The following LSAMP variants were observed in gnomAD, a reference collection of about 807,000 sequenced individuals.
The protein encoded by LSAMP is limbic system-associated membrane protein.
A neutral mutation model predicts 38.6 loss-of-function variants in LSAMP; 7 were observed. The observed-to-expected ratio is 0.18, with a 90% CI of 0.10 to 0.34. The LOEUF (loss-of-function observed/expected upper bound fraction) is 0.34, where lower values mean the gene tolerates loss of function less well. LSAMP is among the 10% of genes least tolerant of loss of function. LSAMP has a pLI of 1.00. For synonymous variants in LSAMP, 154 were observed against 166.8 expected (o/e 0.92, Z 0.59); for missense variants, 313 against 420.0 (o/e 0.75, Z 2.23).
At chr3:116,288,718 G>C (rs2047223623) in intron 1 of LSAMP, among the ~76,000 whole-genome samples, 3 of 152,096 alleles carry the variant, frequency 2.0e-5, no homozygotes, top group South Asian at 4.1e-4. Context: ...TTACAGCACA[G>C]CACTATTCAT....
chr3:116,317,535 T>G (rs1212332911), intron 1 of LSAMP, among the ~76,000 whole-genome samples: 2 of 151,770 alleles, frequency 1.3e-5, no homozygotes, highest in Admixed American at 1.3e-4. Context: ...TTTTGTATTT[T>G]CAGTAGAGAC....
At chr3:115,943,270 C>T (rs546977509) in intron 3 of LSAMP, among the ~76,000 whole-genome samples, 1 of 152,080 alleles carries the variant, frequency 6.6e-6, no homozygotes, top group Admixed American at 6.6e-5. Context: ...TGGGTCTATT[C>T]TCATGTCTCC....
intron 1 of LSAMP, among the ~76,000 whole-genome samples, chr3:116,179,639 G>C (rs1710437420): frequency 6.6e-6 from 1 of 152,052 alleles, no homozygotes; most frequent in Non-Finnish European, 1.5e-5. Context: ...AGAGTGAAGG[G>C]GGAGGTGATA....
chr3:115,914,365 C>T (rs745657585), intron 3 of LSAMP, among the ~76,000 whole-genome samples: 2 of 152,206 alleles, frequency 1.3e-5, no homozygotes, highest in Non-Finnish European at 2.9e-5. Context: ...ACCACCTCAA[C>T]CATAATATCT....
chr3:116,088,656 C>T (rs2107426263), intron 1 of LSAMP, among the ~76,000 whole-genome samples: 1 of 152,224 alleles, frequency 6.6e-6, no homozygotes, highest in East Asian at 1.9e-4. Flanking sequence ...TCATTTTTCC[C>T]TGTGCATGTT....
chr3:115,827,337 T>C (rs1410153019), intron 6 of LSAMP, among the ~76,000 whole-genome samples: 9 of 23,414 alleles, frequency 3.8e-4, no homozygotes, highest in African/African-American at 5.0e-4. Context: ...TTTCTACTGC[T>C]TTTTTTTTTT....
At chr3:115,944,277 G>A (rs1938024143) in intron 3 of LSAMP, among the ~76,000 whole-genome samples, 2 of 152,070 alleles carry the variant, frequency 1.3e-5, no homozygotes, top group East Asian at 1.9e-4. Flanking sequence ...AGAACATATC[G>A]ACCCTAGGCA....
At chr3:115,811,511 TTGTC>T (rs1370625872) in intron 6 of LSAMP, among the ~76,000 whole-genome samples, 31 of 152,278 alleles carry the variant, frequency 2.0e-4, no homozygotes, top group African/African-American at 7.5e-4. Context: ...GTGACTGTAA[TTGTC>T]AGTCACTTAA....
intron 1 of LSAMP, among the ~76,000 whole-genome samples, chr3:116,208,220 C>T (rs1396395667): frequency 6.6e-6 from 1 of 152,070 alleles, no homozygotes; most frequent in African/African-American, 2.4e-5. Context: ...GCATTCTTCA[C>T]GTAGTTCTTG....
intron 1 of LSAMP, among the ~76,000 whole-genome samples, chr3:116,352,199 T>G (rs1369439668): frequency 6.6e-6 from 1 of 152,072 alleles, no homozygotes; most frequent in Admixed American, 6.6e-5. Flanking sequence ...ACAAAGGGAA[T>G]CTTTAAAATC....
At chr3:116,323,741 A>G (rs770034918) in intron 1 of LSAMP, among the ~76,000 whole-genome samples, 2 of 151,956 alleles carry the variant, frequency 1.3e-5, no homozygotes, top group Non-Finnish European at 2.9e-5. Flanking sequence ...CTCAATTTCA[A>G]CCTCTAATCA....
At chr3:115,983,844 G>A (rs1475869215) in intron 3 of LSAMP, among the ~76,000 whole-genome samples, 1 of 152,064 alleles carries the variant, frequency 6.6e-6, no homozygotes, top group African/African-American at 2.4e-5. Flanking sequence ...GATAGGCAAG[G>A]GCAGAACCAC....
rs1310501361 is a variant in LSAMP, at chr3:115,806,004, T to G, written c.*4313A>C. ...TCAAAATATTAATAGTTTATGTAGG[T>G]AAGATATAGCACTGTACTTACATTT... On this transcript the variant is annotated 3_prime_UTR_variant, in exon 7 of 7. Transcript: ENST00000490035. 1 of 152,156 alleles carries G rather than the reference T, an allele frequency of 6.6e-6. No homozygotes were observed. The highest frequency in any genetic ancestry group is 1.5e-5 in the Non-Finnish European group (1 of 68,032). 9.4% of individuals were successfully genotyped at this position (152,156 alleles called of 1,614,324 possible). A position where few individuals can be genotyped will look rare whatever the true frequency, so the allele number is the denominator to read the frequency against.
intron 1 of LSAMP, among the ~76,000 whole-genome samples, chr3:116,139,298 A>G (rs991047949): frequency 5.9e-5 from 9 of 151,964 alleles, no homozygotes; most frequent in Non-Finnish European, 8.8e-5. Context: ...CTTTAAACTT[A>G]TTTTGATCAG....
intron 1 of LSAMP, among the ~76,000 whole-genome samples, chr3:116,186,244 TAAAGGAA>T (rs1012741113): frequency 2.0e-5 from 3 of 152,142 alleles, no homozygotes; most frequent in African/African-American, 7.2e-5. Context: ...TTTGATGTTT[TAAAGGAA>T]ACTCTTCTTT....
chr3:116,416,518 T>C (rs1439902877), intron 1 of LSAMP, among the ~76,000 whole-genome samples: 1 of 152,182 alleles, frequency 6.6e-6, no homozygotes, highest in Non-Finnish European at 1.5e-5. Flanking sequence ...GTGGTGAATA[T>C]GCTGCAGTTG....
intron 3 of LSAMP, among the ~76,000 whole-genome samples, chr3:115,889,716 T>C (rs1324685991): frequency 2.6e-5 from 4 of 151,928 alleles, no homozygotes; most frequent in Non-Finnish European, 4.4e-5. Flanking sequence ...AGTTTTCCTC[T>C]TTACTATATC....
chr3:116,106,255 G>A (rs924056762), intron 1 of LSAMP, among the ~76,000 whole-genome samples: 1 of 152,194 alleles, frequency 6.6e-6, no homozygotes, highest in South Asian at 2.1e-4. Context: ...CAGCTGTAAT[G>A]GCTTGGAGAA....
At chr3:115,826,956 CTTT>C (rs67125824) in intron 6 of LSAMP, among the ~76,000 whole-genome samples, 32,363 of 133,232 alleles carry the variant, frequency 0.24, 3,795 homozygotes, top group Middle Eastern at 0.27. Flanking sequence ...ATCATTCCGT[CTTT>C]TTTTTTTTTT....
Sources: allele counts gnomAD v4.1 joint callset (sites outside exome capture counted in the v4.1 genomes callset), GRCh38; gene constraint gnomAD v4.1.1; transcripts MANE v1.5; gene names NCBI Gene and HGNC (gene_info 2026-07-23, HGNC 2026-07-21).